Variants in DIRAS2 observed in about 807,000 individuals in gnomAD.
DIRAS2 encodes the protein DIRAS family GTPase 2.
DIRAS2 carries 5 observed loss-of-function variants against 13.9 expected under a neutral mutation model. The ratio of observed to expected loss-of-function variants is 0.36; its 90% CI spans 0.19 to 0.76. The LOEUF (loss-of-function observed/expected upper bound fraction) is 0.76, where lower values mean the gene tolerates loss of function less well. DIRAS2 is among the 30% of genes least tolerant of loss of function. DIRAS2 has a pLI of 0.53. For missense variants in DIRAS2, 191 were observed against 263.0 expected (o/e 0.73, Z 1.89); for synonymous variants, 111 against 105.4 (o/e 1.05, Z -0.33).
intron 1 of DIRAS2, among the ~76,000 whole-genome samples, chr9:90,616,643 T>C (rs1053466508): frequency 6.3e-5 from 9 of 142,506 alleles, no homozygotes; most frequent in Admixed American, 6.2e-4. Flanking sequence ...ACCCAGACTG[T>C]AGAGAATCAC....
intron 1 of DIRAS2, among the ~76,000 whole-genome samples, chr9:90,635,961 A>C (rs1825365976): frequency 6.6e-6 from 1 of 151,764 alleles, no homozygotes; most frequent in African/African-American, 2.4e-5. Context: ...TGTTTATATA[A>C]TAGAAGTGGA....
chr9:90,634,443 C>A (rs1337701204), intron 1 of DIRAS2, among the ~76,000 whole-genome samples: 3 of 152,342 alleles, frequency 2.0e-5, no homozygotes, highest in Non-Finnish European at 2.9e-5. Flanking sequence ...TCAATAACCT[C>A]ATACAGTCCT....
chr9:90,613,648 G>C lies in DIRAS2; in HGVS notation c.180C>G (p.Thr60=). 1 of 1,614,088 alleles carries C rather than the reference G, an allele frequency of 6.2e-7. No homozygotes were observed. ...CDKSICTLQI[T]DTTGSHQFPA... ...GGAACTGGTGGCTCCCCGTCGTGTCGGTGATCTGCAATGTGCATATGCTCT... is the reference window on the plus strand; with the variant it reads ...GGAACTGGTGGCTCCCCGTCGTGTCCGTGATCTGCAATGTGCATATGCTCT... Residue 60 remains threonine, a synonymous_variant, in exon 2 of 2, where the codon ACC becomes ACG. Coordinates refer to ENST00000375765, the MANE Select transcript of DIRAS2 (RefSeq NM_017594.5). The surrounding 1 kb of genome is among the most constrained non-coding windows in gnomAD (Gnocchi z 5.6).
chr9:90,626,497 T>C (rs937566300), intron 1 of DIRAS2, among the ~76,000 whole-genome samples: 1 of 145,772 alleles, frequency 6.9e-6, no homozygotes, highest in Non-Finnish European at 1.5e-5. Context: ...ATAGAATACA[T>C]ACAAATGGCC....
chr9:90,622,611 A>T (rs1825230173), intron 1 of DIRAS2, among the ~76,000 whole-genome samples: 1 of 152,190 alleles, frequency 6.6e-6, no homozygotes, highest in Non-Finnish European at 1.5e-5. Context: ...CACTTGATTG[A>T]TAGAGTCCTG....
intron 1 of DIRAS2, among the ~76,000 whole-genome samples, chr9:90,615,696 A>G (rs1182961583): frequency 6.6e-6 from 1 of 152,200 alleles, no homozygotes; most frequent in Non-Finnish European, 1.5e-5. Flanking sequence ...GCCTCATAAC[A>G]TACTGGAGGG....
chr9:90,610,390 G>A lies in DIRAS2; in HGVS notation c.*2838C>T, dbSNP rs1825099283. 1 of 398,760 alleles carries A rather than the reference G, an allele frequency of 2.5e-6. No individual in the cohort carries two copies. The highest frequency in any genetic ancestry group is 4.4e-6 in the Non-Finnish European group (1 of 226,042). The allele number at this position is 398,760 out of a possible 1,614,324, so 24.7% of individuals were successfully genotyped here. A position where few individuals can be genotyped will look rare whatever the true frequency, so the allele number is the denominator to read the frequency against. ...AACAATTCAATATTGCTCTTGTGTT[G>A]GTCTTGCTGCATTGTATGCATGCCC... On this transcript the variant is annotated 3_prime_UTR_variant, in exon 2 of 2. Coordinates refer to ENST00000375765, the MANE Select transcript of DIRAS2 (RefSeq NM_017594.5).
intron 1 of DIRAS2, among the ~76,000 whole-genome samples, chr9:90,625,234 T>C (rs563726): frequency 0.21 from 32,112 of 152,184 alleles, 3,848 homozygotes; most frequent in East Asian, 0.32. Flanking sequence ...TTTAATTCAC[T>C]GTCAGCCCGT....
intron 1 of DIRAS2, among the ~76,000 whole-genome samples, chr9:90,615,878 T>C (rs1435622529): frequency 6.6e-6 from 1 of 152,226 alleles, no homozygotes. Context: ...ATTTCTAACA[T>C]ATGCACTTTT....
chr9:90,617,395 A>C (rs1825179817), intron 1 of DIRAS2, among the ~76,000 whole-genome samples: 1 of 152,182 alleles, frequency 6.6e-6, no homozygotes, highest in Non-Finnish European at 1.5e-5. Flanking sequence ...CACTATAATA[A>C]ACAAAAATTC....
rs559297680 is a variant in DIRAS2 at position 90,635,440 on chromosome 9, T to G, written c.-37+7312A>C. Among the ~76,000 whole-genome samples the G allele has an allele frequency of 5.9e-5, 9 of 152,308 alleles. No individual in the cohort carries two copies. The South Asian group carries it at 1.7e-3, about 28-fold the overall frequency. On this transcript the variant is annotated intron_variant, in intron 1 of 1. Coordinates refer to ENST00000375765, the MANE Select transcript of DIRAS2 (RefSeq NM_017594.5). The stretch of plus-strand genomic sequence containing the variant: ...ACTTTGAAACTCATAAAATATTCAT[T>G]TAAAAAAATGCAATGATAATGTTAG...
intron 1 of DIRAS2, among the ~76,000 whole-genome samples, chr9:90,620,836 C>T (rs1049122276): frequency 5.3e-5 from 8 of 152,052 alleles, no homozygotes; most frequent in African/African-American, 1.7e-4. Flanking sequence ...CTGCTGGGTG[C>T]TGGAAATATT....
At chr9:90,623,391 G>T (rs899975519) in intron 1 of DIRAS2, among the ~76,000 whole-genome samples, 16 of 152,006 alleles carry the variant, frequency 1.1e-4, no homozygotes, top group African/African-American at 3.4e-4. Flanking sequence ...CTTGAACTTG[G>T]TTGAGCTAAA....
rs1825116612 is a variant in DIRAS2, at chr9:90,611,797, A to T, written c.*1431T>A. 1 of 152,246 alleles carries T rather than the reference A, an allele frequency of 6.6e-6. No homozygotes were observed. The highest frequency in any genetic ancestry group is 1.5e-5 in the Non-Finnish European group (1 of 68,062). 9.4% of individuals were successfully genotyped at this position (152,246 alleles called of 1,614,324 possible). A position where few individuals can be genotyped will look rare whatever the true frequency, so the allele number is the denominator to read the frequency against. ...GATGATGCCACAGTTGGGGCCAGTA[A>T]ATGTTCTGCCAACTGAAACAAACAG... On this transcript the variant is annotated 3_prime_UTR_variant, in exon 2 of 2. Coordinates refer to ENST00000375765, the MANE Select transcript of DIRAS2 (RefSeq NM_017594.5).
chr9:90,614,881 T>C (rs1206618192), intron 1 of DIRAS2, among the ~76,000 whole-genome samples: 3 of 152,238 alleles, frequency 2.0e-5, no homozygotes, highest in Non-Finnish European at 4.4e-5. Flanking sequence ...TATTCAGGGA[T>C]GTGTAGATGT....
intron 1 of DIRAS2, among the ~76,000 whole-genome samples, chr9:90,622,460 A>AG (rs1682472535): frequency 7.0e-6 from 1 of 143,742 alleles, no homozygotes; most frequent in Non-Finnish European, 1.5e-5. Flanking sequence ...TTTTTTCCGG[A>AG]GTTTTTTTTT....
chr9:90,614,927 T>C (rs1354445305), intron 1 of DIRAS2, among the ~76,000 whole-genome samples: 6 of 152,214 alleles, frequency 3.9e-5, no homozygotes, highest in Non-Finnish European at 7.3e-5. Flanking sequence ...AATTTTTTCA[T>C]TCTGTACCTT....
chr9:90,630,051 T>G (rs1448570701), intron 1 of DIRAS2, among the ~76,000 whole-genome samples: 2 of 152,238 alleles, frequency 1.3e-5, no homozygotes, highest in African/African-American at 2.4e-5. Context: ...CAGTGCTTAT[T>G]TATGCACTTA....
Position 90,613,086 on chromosome 9 carries a change from C to T in DIRAS2, c.*142G>A, listed in dbSNP as rs1265078025. ...TACTGTTGGTGGTGTGAAACGCCCT[C>T]TTAAGGACAATAGGACGCATCTCGA... On this transcript the variant is annotated 3_prime_UTR_variant, in exon 2 of 2. Coordinates refer to ENST00000375765, the MANE Select transcript of DIRAS2 (RefSeq NM_017594.5). The surrounding 1 kb of genome is among the most constrained non-coding windows in gnomAD (Gnocchi z 5.6). 3 of 1,273,288 alleles carry T rather than the reference C, an allele frequency of 2.4e-6. No homozygotes were observed. In the South Asian group the frequency reaches 4.4e-5, roughly 19 times the overall value. The allele number at this position is 1,273,288 out of a possible 1,614,324, so 78.9% of individuals were successfully genotyped here.
Sources: allele counts gnomAD v4.1 joint callset (sites outside exome capture counted in the v4.1 genomes callset), GRCh38; gene constraint gnomAD v4.1.1; non-coding constraint Gnocchi (gnomAD v3.1); transcripts MANE v1.5; gene names NCBI Gene and HGNC (gene_info 2026-07-23, HGNC 2026-07-21).